Variants in MTOR observed in about 807,000 individuals in gnomAD.
MTOR encodes the protein mechanistic target of rapamycin kinase, also known as serine/threonine-protein kinase mTOR.
A neutral mutation model predicts 319.8 loss-of-function variants in MTOR; 70 were observed. The ratio of observed to expected loss-of-function variants is 0.22; its 90% CI spans 0.18 to 0.27. The LOEUF is 0.27. Ranked by LOEUF, MTOR falls within the 10% of genes least tolerant of loss-of-function variation. The pLI is 1.00. For synonymous variants in MTOR, 1,183 were observed against 1,211.4 expected, an observed-to-expected ratio of 0.98 and a Z score of 0.49; for missense variants, 1,890 against 3,274.4, an observed-to-expected ratio of 0.58 and a Z score of 10.32.
chr1:11,191,082 A>C (rs970145253), intron 28 of MTOR, among the ~76,000 whole-genome samples: 45 of 152,208 alleles, frequency 3.0e-4, no homozygotes, highest in African/African-American at 1.1e-3. Flanking sequence ...GACATGCGGA[A>C]GACCAGGCCA....
In MTOR at chr1:11,232,441, T is replaced by G; in HGVS notation, c.2509A>C (p.Arg837=). Reference sequence around the variant, plus strand: ...CAGGAAGCAGTAATACTCACCTGCCTTTTGGCCAACAAAGAGGAATCCTGG... The same window carrying G: ...CAGGAAGCAGTAATACTCACCTGCCGTTTGGCCAACAAAGAGGAATCCTGG... ...MLQDSSLLAK[R]QVALWTLGQL... is the part of the protein sequence containing the mutation. The change falls in exon 16 of 58, where the codon AGG becomes CGG. Residue 837 remains arginine, a synonymous_variant. Coordinates refer to ENST00000361445, the MANE Select transcript of MTOR (RefSeq NM_004958.4). 6.2e-7 allele frequency: 1 copy of G among 1,613,244 alleles called. No homozygotes were observed. The highest frequency in any genetic ancestry group is 8.5e-7 in the Non-Finnish European group (1 of 1,179,294).
intron 19 of MTOR, among the ~76,000 whole-genome samples, chr1:11,223,153 T>G (rs1275094132): frequency 6.6e-6 from 1 of 151,626 alleles, no homozygotes; most frequent in Non-Finnish European, 1.5e-5. Flanking sequence ...ACCTGGTTTC[T>G]TCTACAAATA....
intron 47 of MTOR, among the ~76,000 whole-genome samples, chr1:11,124,013 C>A (rs970019226): frequency 7.9e-5 from 12 of 152,200 alleles, no homozygotes; most frequent in African/African-American, 2.9e-4. Context: ...GTCTCGAACT[C>A]CTGACCTCAA....
rs144243347 is a variant in MTOR, at chr1:11,231,291, G to A, written c.2649+9C>T. ...AGTCTTTAAAGACCAAGTTTGCCAC[G>A]TCCCCTACCTCTCTGCGTGTACCCT... On this transcript the variant is annotated intron_variant, in intron 17 of 57. Transcript: ENST00000361445. 1,206 of 1,613,604 alleles carry A rather than the reference G, an allele frequency of 7.5e-4. 7 individuals carry two copies. In the African/African-American group the frequency reaches 0.014, roughly 19 times the overall value.
At chr1:11,157,049 C>G in intron 30 of MTOR, 103 bp downstream of exon 30, 1 of 1,409,612 alleles carries the variant, frequency 7.1e-7, no homozygotes, top group Non-Finnish European at 9.5e-7. Context: ...CAAAATGAGT[C>G]TGAAGTGAGA....
chr1:11,157,294 G>A lies in MTOR; in HGVS notation c.4330-3C>T, dbSNP rs1450549595. 1 of 1,611,912 alleles carries A rather than the reference G, an allele frequency of 6.2e-7. No individual in the cohort carries two copies. Among genetic ancestry groups the A allele is most frequent in the South Asian group, 1.1e-5 (1 of 90,722 alleles). On this transcript the variant is annotated splice_polypyrimidine_tract_variant and splice_region_variant and intron_variant, in intron 29 of 57. Coordinates refer to ENST00000361445, the MANE Select transcript of MTOR (RefSeq NM_004958.4). The stretch of plus-strand genomic sequence containing the variant: ...TCATACCAGGTAGCCTGGATCTCCT[G>A]TTACATGGGAAAGAAAGACTGCTGT...
chr1:11,165,330 T>C (rs1409684938), intron 29 of MTOR, among the ~76,000 whole-genome samples: 1 of 152,192 alleles, frequency 6.6e-6, no homozygotes, highest in Non-Finnish European at 1.5e-5. Flanking sequence ...GACATGATTG[T>C]ATATTTAGAA....
At chr1:11,194,472 C>T (rs1268334932) in intron 28 of MTOR, 1 of 1,613,876 alleles carries the variant, frequency 6.2e-7, no homozygotes, top group Non-Finnish European at 8.5e-7. Flanking sequence ...ACTGGGAGGG[C>T]AACCTGCGCT....
At position 11,115,266 on chromosome 1, in the gene MTOR, T is replaced by C; in HGVS notation, c.7089+130A>G. 2.3e-6 allele frequency: 2 copies of C among 857,164 alleles called. No homozygotes were observed. The highest frequency in any genetic ancestry group is 3.0e-5 in the South Asian group (2 of 66,496). 53.1% of individuals were successfully genotyped at this position (857,164 alleles called of 1,614,324 possible). On this transcript the variant is annotated intron_variant, in intron 51 of 57. Transcript: ENST00000361445. This position sits in a 1 kb window ranked among gnomAD's most constrained non-coding sequence, Gnocchi z 4.5. ...ATTTCATTTCTTAGACTGACTTAACTACAGCCTTGGTAGGGCCAGCAGGGG... is the reference window on the plus strand; with the variant it reads ...ATTTCATTTCTTAGACTGACTTAACCACAGCCTTGGTAGGGCCAGCAGGGG...
chr1:11,152,863 T>A (rs1261375318), intron 30 of MTOR, among the ~76,000 whole-genome samples: 8 of 152,236 alleles, frequency 5.3e-5, no homozygotes, highest in Admixed American at 2.0e-4. Context: ...ATTCTGCTTC[T>A]TTCGACTCGT....
chr1:11,256,771 T>C (rs1330796124), intron 4 of MTOR, among the ~76,000 whole-genome samples, 162 bp downstream of exon 4: 1 of 152,122 alleles, frequency 6.6e-6, no homozygotes, highest in African/African-American at 2.4e-5. Flanking sequence ...CACACCATGC[T>C]AGATTCCCTC....
At position 11,199,176 on chromosome 1, in the gene MTOR, C is replaced by G. The variant is rs1645883048; in HGVS notation, c.4253+82G>C. 1 of 1,572,604 alleles carries G rather than the reference C, an allele frequency of 6.4e-7. No individual in the cohort carries two copies. Among genetic ancestry groups the G allele is most frequent in the African/African-American group, 1.3e-5 (1 of 74,122 alleles). On this transcript the variant is annotated intron_variant, in intron 28 of 57. Coordinates refer to ENST00000361445, the MANE Select transcript of MTOR (RefSeq NM_004958.4). The surrounding 1 kb of genome is among the most constrained non-coding windows in gnomAD (Gnocchi z 4.5). ...TCACAGAGCAGAAGTCTTCAAGTGACTCCAGTGAAGTGGCACCAGGCAGTG... is the reference window on the plus strand; with the variant it reads ...TCACAGAGCAGAAGTCTTCAAGTGAGTCCAGTGAAGTGGCACCAGGCAGTG...
At chr1:11,143,409 T>G (rs574597066) in intron 34 of MTOR, among the ~76,000 whole-genome samples, 2 of 152,220 alleles carry the variant, frequency 1.3e-5, no homozygotes, top group Non-Finnish European at 2.9e-5. Context: ...AAACTCTTTA[T>G]TATAGGCATT....
chr1:11,177,256 C>T (rs574848542), intron 28 of MTOR, among the ~76,000 whole-genome samples: 2 of 152,130 alleles, frequency 1.3e-5, no homozygotes, highest in African/African-American at 2.4e-5. Context: ...CAGCTTTAGA[C>T]AGTCAAAATA....
At chr1:11,130,284 G>A (rs1158290057) in intron 39 of MTOR, among the ~76,000 whole-genome samples, 2 of 152,184 alleles carry the variant, frequency 1.3e-5, no homozygotes, top group Non-Finnish European at 2.9e-5. Flanking sequence ...GAATGAGCTC[G>A]TCCACAGGGA....
At chr1:11,230,829 T>C in intron 18 of MTOR, 96 bp downstream of exon 18, 1 of 1,542,382 alleles carries the variant, frequency 6.5e-7, no homozygotes, top group Non-Finnish European at 8.9e-7. Context: ...TATCCTATAA[T>C]TTCTCAGTAA....
At chr1:11,194,818 T>C (rs752137567) in intron 28 of MTOR, 3 of 1,611,170 alleles carry the variant, frequency 1.9e-6, no homozygotes, top group Non-Finnish European at 2.5e-6. Context: ...TCTATCACAG[T>C]CAACTTACTA....
chr1:11,134,237 A>C (rs988735095), intron 37 of MTOR, 114 bp downstream of exon 37: 1 of 841,050 alleles, frequency 1.2e-6, no homozygotes, highest in South Asian at 1.6e-5. Flanking sequence ...TGGAAAAGGA[A>C]AGAGAGATGT....
At chr1:11,176,028 A>G (rs1175811464) in intron 28 of MTOR, among the ~76,000 whole-genome samples, 1 of 152,160 alleles carries the variant, frequency 6.6e-6, no homozygotes, top group Admixed American at 6.5e-5. Flanking sequence ...GATTACAGGC[A>G]TGAGCCACTG....
Sources: allele counts gnomAD v4.1 joint callset (sites outside exome capture counted in the v4.1 genomes callset), GRCh38; gene constraint gnomAD v4.1.1; non-coding constraint Gnocchi (gnomAD v3.1); transcripts MANE v1.5; gene names NCBI Gene and HGNC (gene_info 2026-07-23, HGNC 2026-07-21).